The following AHDC1 variants were observed in gnomAD, a reference collection of about 807,000 sequenced individuals.
AHDC1 encodes the protein transcription factor Gibbin.
In AHDC1, 7 loss-of-function variants were observed where a neutral mutation model predicts 87.9. The ratio of observed to expected loss-of-function variants is 0.08; its 90% confidence interval spans 0.05 to 0.15. The LOEUF (loss-of-function observed/expected upper bound fraction) is 0.15, where lower values mean the gene tolerates loss of function less well. AHDC1 is among the 10% of genes least tolerant of loss of function. The pLI, the probability that AHDC1 is intolerant of heterozygous loss-of-function variation, is 1.00. For synonymous variants in AHDC1, 1,051 were observed against 1,006.8 expected (o/e 1.04, Z -0.83); for missense variants, 1,841 against 2,253.2 (o/e 0.82, Z 3.70).
intron 3 of AHDC1, among the ~76,000 whole-genome samples, chr1:27,588,715 G>A (rs1346740714): frequency 6.6e-6 from 1 of 152,180 alleles, no homozygotes; most frequent in Non-Finnish European, 1.5e-5. Flanking sequence ...TGTGTGTGCT[G>A]CATTTGTGAA....
chr1:27,570,386 G>A (rs1472556641), intron 3 of AHDC1, among the ~76,000 whole-genome samples: 5 of 151,446 alleles, frequency 3.3e-5, no homozygotes, highest in Non-Finnish European at 7.4e-5. Context: ...AGGGCTTTTA[G>A]AGACCACTGG....
chr1:27,550,026 C>G lies in AHDC1; in HGVS notation c.2090G>C (p.Gly697Ala). Residue 697 changes from glycine to alanine, a missense_variant, in exon 8 of 9, where the codon GGC (glycine) becomes GCC (alanine). Coordinates refer to ENST00000673934, the MANE Select transcript of AHDC1 (RefSeq NM_001371928.1). ...CACCACCTTCTTTTTCTTGCCGATG[C>G]CCTCAAAGAAGTCACTGAAGGAGCA... ...ARCSFSDFFE[G>A]IGKKKKVVAV... 6.3e-7 allele frequency: 1 copy of G among 1,598,214 alleles called. No homozygotes were observed. Among genetic ancestry groups the G allele is most frequent in the East Asian group, 2.2e-5 (1 of 44,530 alleles).
chr1:27,602,935 G>C (rs2089573206), intron 3 of AHDC1, among the ~76,000 whole-genome samples: 2 of 145,348 alleles, frequency 1.4e-5, no homozygotes, highest in South Asian at 4.3e-4. Context: ...TTTTCCCAGC[G>C]CCGATCCTAA....
intron 3 of AHDC1, among the ~76,000 whole-genome samples, chr1:27,573,517 C>A (rs2088610371): frequency 6.6e-6 from 1 of 152,124 alleles, no homozygotes; most frequent in Non-Finnish European, 1.5e-5. Flanking sequence ...ATGAGAACTG[C>A]CCAACAGTGC....
At position 27,593,766 on chromosome 1, in the gene AHDC1, C is replaced by A. The variant is rs72655012; in HGVS notation, c.-629+9631G>T. Among the ~76,000 whole-genome samples, 14 of 152,356 alleles carry A rather than the reference C, an allele frequency of 9.2e-5. No individual in the cohort carries two copies. The highest frequency in any genetic ancestry group is 1.9e-4 in the Non-Finnish European group (13 of 68,026). On this transcript the variant is annotated intron_variant, in intron 3 of 8. Transcript: ENST00000673934. This position sits in a 1 kb window ranked among gnomAD's most constrained non-coding sequence, Gnocchi z 4.9. ...GCAGACAGCTGGGCTAAGCCAGTGC[C>A]TGCGGCTCCCCAGGGCACAAGAGGC...
rs1015305883 is a variant in AHDC1, at chr1:27,562,337, G to A, written c.-628-3454C>T. On this transcript the variant is annotated intron_variant, in intron 3 of 8. Transcript: ENST00000673934. This position sits in a 1 kb window ranked among gnomAD's most constrained non-coding sequence, Gnocchi z 4.4. ...CAATATCCTCCCCGGTGCACTGATC[G>A]ACTGACTACCTGAGCTCCCGGCCCG... Among the ~76,000 whole-genome samples, 4 of 152,104 alleles carry A rather than the reference G, an allele frequency of 2.6e-5. No homozygotes were observed. Among genetic ancestry groups the A allele is most frequent in the African/African-American group, 7.2e-5 (3 of 41,384 alleles).
intron 3 of AHDC1, among the ~76,000 whole-genome samples, chr1:27,594,334 G>T (rs868453562): frequency 1.3e-5 from 2 of 152,102 alleles, no homozygotes; most frequent in South Asian, 2.1e-4. Context: ...CAAGGGGTTG[G>T]GGGAGGGAGG....
At chr1:27,589,997 A>ACTGT (rs1374017119) in intron 3 of AHDC1, among the ~76,000 whole-genome samples, 1 of 151,880 alleles carries the variant, frequency 6.6e-6, no homozygotes, top group Non-Finnish European at 1.5e-5. Context: ...GCAGGGCTCC[A>ACTGT]GGACATGTGA....
Position 27,549,115 on chromosome 1 carries a change from C to T in AHDC1, c.3001G>A (p.Ala1001Thr), listed in dbSNP as rs772318314. Residue 1001 changes from alanine to threonine, a missense_variant, in exon 8 of 9, where the codon GCC (alanine) becomes ACC (threonine). Physicochemically the swap from Ala to Thr is moderately conservative, Grantham distance 58. This residue lies in a region of AHDC1 where 378 missense variants were observed against 399.0 expected (regional missense o/e 0.95). Coordinates refer to ENST00000673934, the MANE Select transcript of AHDC1 (RefSeq NM_001371928.1). ...DCANSKDCSF[A>T]YGSGNSLPAS... ...GGGAGGCTGTTGCCACTGCCATAGGCGAAGCTGCAGTCCTTGCTGTTAGCG... is the reference window on the plus strand; with the variant it reads ...GGGAGGCTGTTGCCACTGCCATAGGTGAAGCTGCAGTCCTTGCTGTTAGCG... The T allele has an allele frequency of 2.9e-5, 45 of 1,552,276 alleles. No individual in the cohort carries two copies. Among genetic ancestry groups the T allele is most frequent in the South Asian group, 2.7e-4 (22 of 82,616 alleles).
At position 27,534,248 on chromosome 1, in the gene AHDC1, G is replaced by GTTTTTTTTTTGTTTT. The variant is rs2018534360; in HGVS notation, c.*711_*712insAAAACAAAAAAAAAA. ...CCCCCTTTCACAAGACACAAGGTTGGTTTTTTTTTTTTGTTTTTTTTTTGT... is the reference window on the plus strand; with the variant it reads ...CCCCCTTTCACAAGACACAAGGTTGGTTTTTTTTTTGTTTTTTTTTTTTTTTTGTTTTTTTTTTGT... On this transcript the variant is annotated 3_prime_UTR_variant, in exon 9 of 9. Coordinates refer to ENST00000673934, the MANE Select transcript of AHDC1 (RefSeq NM_001371928.1). 8.8e-6 allele frequency: 1 copy of GTTTTTTTTTTGTTTT among 113,666 alleles called. No homozygotes were observed. Among genetic ancestry groups the GTTTTTTTTTTGTTTT allele is most frequent in the Admixed American group, 8.5e-5 (1 of 11,758 alleles). 7.0% of individuals were successfully genotyped at this position (113,666 alleles called of 1,614,324 possible).
rs569347279 is a variant in AHDC1 at position 27,592,172 on chromosome 1, G to A, written c.-629+11225C>T. Among the ~76,000 whole-genome samples the A allele has an allele frequency of 1.9e-3, 291 of 152,284 alleles. 2 individuals are homozygous for A. The highest frequency in any genetic ancestry group is 6.6e-3 in the African/African-American group (274 of 41,568). ...TTAGTATCTTAGCCCCAAGCTCTGAGCCCAGAGTCTATGTGTGTGCACACG... is the reference window on the plus strand; with the variant it reads ...TTAGTATCTTAGCCCCAAGCTCTGAACCCAGAGTCTATGTGTGTGCACACG... On this transcript the variant is annotated intron_variant, in intron 3 of 8. Coordinates refer to ENST00000673934, the MANE Select transcript of AHDC1 (RefSeq NM_001371928.1).
Position 27,556,965 on chromosome 1 carries a change from C to G in AHDC1, c.-225+1340G>C, listed in dbSNP as rs191407887. Among the ~76,000 whole-genome samples, 6 of 151,730 alleles carry G rather than the reference C, an allele frequency of 4.0e-5. No individual in the cohort carries two copies. In the East Asian group the frequency reaches 1.2e-3, roughly 30 times the overall value. ...CCCCCAAGGGGAGCTGGCCCTGCCC[C>G]GCCCCCTGGGGCCATCAGGGCCCCC... On this transcript the variant is annotated intron_variant, in intron 5 of 8. Transcript: ENST00000673934.
rs59386369 is a variant in AHDC1, at chr1:27,583,302, G to A, written c.-629+20095C>T. Among the ~76,000 whole-genome samples, 47 of 152,230 alleles carry A rather than the reference G, an allele frequency of 3.1e-4. No homozygotes were observed. In the East Asian group the frequency reaches 6.4e-3, roughly 21 times the overall value. ...CTCCCACTTCTGAGCCCTAAGCCGC[G>A]TTCATTCTCACCTCAGGGCCTTTGC... On this transcript the variant is annotated intron_variant, in intron 3 of 8. Transcript: ENST00000673934.
intron 3 of AHDC1, among the ~76,000 whole-genome samples, chr1:27,559,829 G>A (rs1028364051): frequency 6.6e-6 from 1 of 152,190 alleles, no homozygotes; most frequent in Admixed American, 6.5e-5. Flanking sequence ...GAGCCCAGAG[G>A]GGGTCTGGGA....
intron 3 of AHDC1, among the ~76,000 whole-genome samples, chr1:27,579,607 G>T (rs1377291824): frequency 6.6e-6 from 1 of 151,354 alleles, no homozygotes; most frequent in Non-Finnish European, 1.5e-5. Flanking sequence ...GTCTAATTAG[G>T]TTTAAAATCT....
intron 8 of AHDC1, among the ~76,000 whole-genome samples, chr1:27,542,247 G>A (rs577291625): frequency 6.6e-6 from 1 of 152,238 alleles, no homozygotes; most frequent in East Asian, 1.9e-4. Context: ...TGTGATGACA[G>A]CATTTCTAGC....
At position 27,598,200 on chromosome 1, in the gene AHDC1, C is replaced by A. The variant is rs2089428859; in HGVS notation, c.-629+5197G>T. On this transcript the variant is annotated intron_variant, in intron 3 of 8. Coordinates refer to ENST00000673934, the MANE Select transcript of AHDC1 (RefSeq NM_001371928.1). The surrounding 1 kb of genome is among the most constrained non-coding windows in gnomAD (Gnocchi z 4.2). ...GCTGAATTGGGAGTTCGGGGCCAGCCAGCTGCAGAAGCAGCCCCTCCCCTG... is the reference window on the plus strand; with the variant it reads ...GCTGAATTGGGAGTTCGGGGCCAGCAAGCTGCAGAAGCAGCCCCTCCCCTG... Among the ~76,000 whole-genome samples, 1 of 152,246 alleles carries A rather than the reference C, an allele frequency of 6.6e-6. No homozygotes were observed. The highest frequency in any genetic ancestry group is 6.5e-5 in the Admixed American group (1 of 15,288).
chr1:27,556,092 C>T (rs2019803199), intron 5 of AHDC1, among the ~76,000 whole-genome samples: 1 of 152,148 alleles, frequency 6.6e-6, no homozygotes, highest in Non-Finnish European at 1.5e-5. Context: ...ATAGGGACAC[C>T]AGCTGGTTGG....
intron 5 of AHDC1, among the ~76,000 whole-genome samples, chr1:27,554,170 C>T (rs919819100): frequency 6.6e-6 from 1 of 152,236 alleles, no homozygotes; most frequent in African/African-American, 2.4e-5. Flanking sequence ...CTTTCTTCTT[C>T]TCCAGACCCA....
Sources: allele counts gnomAD v4.1 joint callset (sites outside exome capture counted in the v4.1 genomes callset), GRCh38; gene constraint gnomAD v4.1.1; regional missense constraint gnomAD v4.1.1; non-coding constraint Gnocchi (gnomAD v3.1); transcripts MANE v1.5; gene names NCBI Gene and HGNC (gene_info 2026-07-23, HGNC 2026-07-21).